TMEM178B: variants seen among roughly 807,000 people sequenced by gnomAD.
The protein encoded by TMEM178B is transmembrane protein 178B.
Under a neutral mutation model 31.0 loss-of-function variants are expected in TMEM178B, and 5 were observed. That is an observed-to-expected ratio of 0.16 (90% CI 0.08 to 0.34). The LOEUF is 0.34. Ranked by LOEUF, TMEM178B falls within the 10% of genes least tolerant of loss-of-function variation. The pLI, the probability that TMEM178B is intolerant of heterozygous loss-of-function variation, is 1.00. For synonymous variants in TMEM178B, 164 were observed against 164.0 expected (o/e 1.00, Z 0.00); for missense variants, 275 against 400.3 (o/e 0.69, Z 2.67).
intron 2 of TMEM178B, among the ~76,000 whole-genome samples, chr7:141,309,107 C>G (rs139624239): frequency 1.3e-5 from 2 of 151,834 alleles, no homozygotes; most frequent in East Asian, 3.9e-4. Context: ...ATGATTGCAA[C>G]AATAATACAT....
rs141595860 is a variant in TMEM178B, at chr7:141,115,035, T to TTGTGTG, written c.382+40361_382+40366dup. ...GAAGGTCAGTTAGGATCTGTGGGAT[T>TTGTGTG]TGTGTGTGTGTGTGTGTGTGTGTTT... On this transcript the variant is annotated intron_variant, in intron 1 of 3. Coordinates refer to ENST00000565468, the MANE Select transcript of TMEM178B (RefSeq NM_001195278.2). Among the ~76,000 whole-genome samples the TTGTGTG allele has an allele frequency of 4.7e-5, 7 of 148,656 alleles. No individual in the cohort carries two copies. In the East Asian group the frequency reaches 1.2e-3, roughly 25 times the overall value.
At chr7:141,076,305 T>G (rs1217213096) in intron 1 of TMEM178B, among the ~76,000 whole-genome samples, 1 of 152,266 alleles carries the variant, frequency 6.6e-6, no homozygotes. Flanking sequence ...AGTGTTATTT[T>G]ATCCATGATT....
At chr7:141,324,728 T>C (rs947155766) in intron 2 of TMEM178B, among the ~76,000 whole-genome samples, 5 of 152,130 alleles carry the variant, frequency 3.3e-5, no homozygotes, top group Non-Finnish European at 5.9e-5. Context: ...TCAAGAATCA[T>C]TTGCTACTTG....
rs1210976582 is a variant in TMEM178B at position 141,074,404 on chromosome 7, T to C, written c.94T>C (p.Tyr32His). The stretch of plus-strand genomic sequence containing the variant: ...CGTGGCCATCTGCTCGGACCACTGG[T>C]ACGAGACGGACGCCAGGAAGCACAG... ...LAVAICSDHWYETDARKHRDR... is the reference protein window; with the variant it reads ...LAVAICSDHWHETDARKHRDR... The change falls in exon 1 of 4, where the codon TAC becomes CAC. Residue 32 changes from tyrosine to histidine, a missense_variant. By Grantham distance (83) the Tyr-to-His change is moderately conservative. Coordinates refer to ENST00000565468, the MANE Select transcript of TMEM178B (RefSeq NM_001195278.2). This position sits in a 1 kb window ranked among gnomAD's most constrained non-coding sequence, Gnocchi z 5.1. The C allele has an allele frequency of 6.5e-7, 1 of 1,536,106 alleles. No individual in the cohort carries two copies. Among genetic ancestry groups the C allele is most frequent in the Non-Finnish European group, 8.7e-7 (1 of 1,146,864 alleles).
At chr7:141,109,211 A>G (rs570847502) in intron 1 of TMEM178B, among the ~76,000 whole-genome samples, 95 of 152,274 alleles carry the variant, frequency 6.2e-4, no homozygotes, top group African/African-American at 2.1e-3. Context: ...AATGAGAGGC[A>G]TGGGAATGGA....
Position 141,074,389 on chromosome 7 carries a change from T to C in TMEM178B, c.79T>C (p.Cys27Arg). 1 of 1,536,148 alleles carries C rather than the reference T, an allele frequency of 6.5e-7. No individual in the cohort carries two copies. Among genetic ancestry groups the C allele is most frequent in the Non-Finnish European group, 8.7e-7 (1 of 1,146,874 alleles). ...CCTCGGCATGCTGGCCGTGGCCATC[T>C]GCTCGGACCACTGGTACGAGACGGA... ...CALGMLAVAI[C>R]SDHWYETDAR... The change falls in exon 1 of 4, where the codon TGC becomes CGC. Residue 27 changes from cysteine to arginine, a missense_variant. Physicochemically the swap from Cys to Arg is radical, Grantham distance 180 (BLOSUM62 -3). Transcript: ENST00000565468. This position sits in a 1 kb window ranked among gnomAD's most constrained non-coding sequence, Gnocchi z 5.1.
intron 2 of TMEM178B, among the ~76,000 whole-genome samples, chr7:141,286,120 GA>G (rs199706034): frequency 9.1e-4 from 136 of 149,078 alleles, no homozygotes; most frequent in African/African-American, 3.1e-3. Flanking sequence ...AAATTAAAAA[GA>G]AAAAAAAAGA....
intron 2 of TMEM178B, among the ~76,000 whole-genome samples, chr7:141,434,673 C>T (rs564348697): frequency 6.6e-6 from 1 of 152,314 alleles, no homozygotes; most frequent in African/African-American, 2.4e-5. Context: ...GTACACAATA[C>T]ATTTTTGCTA....
rs375584209 is a variant in TMEM178B at position 141,212,447 on chromosome 7, G to A, written c.383-144G>A. 44 of 642,582 alleles carry A rather than the reference G, an allele frequency of 6.8e-5. 2 individuals are homozygous for A. The highest frequency in any genetic ancestry group is 4.9e-4 in the African/African-American group (27 of 54,964). 39.8% of individuals were successfully genotyped at this position (642,582 alleles called of 1,614,324 possible). Reference sequence around the variant, plus strand: ...AGTTCTACTCTCTTGCTCTTTTTGAGTTGAAGGTATTGTCTTTCTGTAGTT... The same window carrying A: ...AGTTCTACTCTCTTGCTCTTTTTGAATTGAAGGTATTGTCTTTCTGTAGTT... On this transcript the variant is annotated intron_variant, in intron 1 of 3. Coordinates refer to ENST00000565468, the MANE Select transcript of TMEM178B (RefSeq NM_001195278.2).
intron 1 of TMEM178B, among the ~76,000 whole-genome samples, chr7:141,206,084 G>C (rs370844145): frequency 4.4e-4 from 67 of 152,290 alleles, no homozygotes; most frequent in African/African-American, 1.5e-3. Context: ...TCCCCTTAAA[G>C]TAGTCTTAGG....
At chr7:141,281,660 C>G (rs1442430337) in intron 2 of TMEM178B, among the ~76,000 whole-genome samples, 3 of 152,146 alleles carry the variant, frequency 2.0e-5, no homozygotes. Context: ...AGACCTCTTT[C>G]TGGGGAGTCA....
chr7:141,483,556 G>A (rs1802511876), downstream of TMEM178B, among the ~76,000 whole-genome samples: 1 of 152,078 alleles, frequency 6.6e-6, no homozygotes, highest in Admixed American at 6.5e-5. Flanking sequence ...TCCTCAACCT[G>A]TGTCTTGTAA....
chr7:141,163,919 T>A (rs1180664149), intron 1 of TMEM178B, among the ~76,000 whole-genome samples: 1 of 152,180 alleles, frequency 6.6e-6, no homozygotes, highest in East Asian at 1.9e-4. Context: ...TTTTTAGTGT[T>A]GTGAAATTAC....
At chr7:141,449,051 T>C (rs1226845470) in intron 3 of TMEM178B, among the ~76,000 whole-genome samples, 2 of 152,164 alleles carry the variant, frequency 1.3e-5, no homozygotes, top group Non-Finnish European at 2.9e-5. Flanking sequence ...TGGAATGTGA[T>C]GATGACTCCA....
rs557788072 is a variant in TMEM178B, at chr7:141,139,642, C to A, written c.382+64950C>A. Among the ~76,000 whole-genome samples the A allele has an allele frequency of 1.1e-4, 16 of 152,170 alleles. No individual in the cohort carries two copies. The East Asian group carries it at 2.7e-3, about 26-fold the overall frequency. ...CAGGGATGAGCTGCCACACTTGAGC[C>A]CCCATTTGCTTTTATGAAATGAATG... is the stretch of plus-strand genomic sequence containing the variant. On this transcript the variant is annotated intron_variant, in intron 1 of 3. Transcript: ENST00000565468.
chr7:141,441,524 C>T (rs60275027), intron 3 of TMEM178B, among the ~76,000 whole-genome samples: 3,118 of 152,180 alleles, frequency 0.02, 58 homozygotes, highest in African/African-American at 0.05. Context: ...AACCGAGCAC[C>T]GACAGGAGCC....
intron 3 of TMEM178B, among the ~76,000 whole-genome samples, chr7:141,468,810 A>C (rs1295331184): frequency 1.3e-5 from 2 of 152,184 alleles, no homozygotes; most frequent in African/African-American, 4.8e-5. Flanking sequence ...AAGGGTGCCC[A>C]AGTGGGACTT....
At chr7:141,411,743 G>A (rs1259067389) in intron 2 of TMEM178B, among the ~76,000 whole-genome samples, 1 of 152,126 alleles carries the variant, frequency 6.6e-6, no homozygotes, top group Non-Finnish European at 1.5e-5. Flanking sequence ...AACAATCAGC[G>A]CAAACTCGCT....
intron 2 of TMEM178B, among the ~76,000 whole-genome samples, chr7:141,302,040 T>C (rs751325670): frequency 2.6e-5 from 4 of 151,996 alleles, no homozygotes; most frequent in Non-Finnish European, 4.4e-5. Flanking sequence ...GAGTTTCAGT[T>C]TGGGGAGACA....
Sources: gnomAD v4.1 joint callset for allele counts (sites outside exome capture counted in the v4.1 genomes callset) on GRCh38, gnomAD v4.1.1 for gene constraint, Gnocchi (gnomAD v3.1) non-coding constraint, MANE v1.5 for transcripts, NCBI Gene and HGNC (gene_info 2026-07-23, HGNC 2026-07-21) for gene names.